The following MAX variants were observed in gnomAD, a reference collection of about 807,000 sequenced individuals.
MAX encodes MYC associated transcriptional regulator X, also known as protein max.
MAX carries 3 observed loss-of-function variants against 22.3 expected under a neutral mutation model. The observed-to-expected ratio is 0.13, with a 90% CI of 0.06 to 0.35. MAX has a LOEUF of 0.35. Among genes scored for constraint, MAX ranks in the 10% least tolerant of loss-of-function variants. The pLI, the probability that MAX is intolerant of heterozygous loss-of-function variation, is 1.00. For synonymous variants in MAX, 72 were observed against 77.7 expected (o/e 0.93, Z 0.39); for missense variants, 119 against 209.4 (o/e 0.57, Z 2.66).
chr14:65,057,277 T>C (rs965326649), intron 3 of MAX, among the ~76,000 whole-genome samples: 2 of 152,018 alleles, frequency 1.3e-5, no homozygotes, highest in Non-Finnish European at 2.9e-5. Context: ...AAATAGAAGA[T>C]TTTAGGCCAG....
At chr14:65,015,410 CTTTTTTTTTTTTTT>C (rs888923691) in intron 3 of MAX, 1,681 of 155,750 alleles carry the variant, frequency 0.011, 43 homozygotes, top group African/African-American at 0.044. Context: ...GCCTTGTTAT[CTTTTTTTTTTTTTT>C]TTTTTTTTTT....
intron 2 of MAX, among the ~76,000 whole-genome samples, chr14:65,095,598 T>C (rs572145966): frequency 1.3e-5 from 2 of 152,326 alleles, no homozygotes; most frequent in South Asian, 4.1e-4. Context: ...CGACTATACC[T>C]AAGGAGCTTA....
chr14:65,006,173 T>G (rs1555390164), downstream of MAX: 5 of 1,598,432 alleles, frequency 3.1e-6, no homozygotes, highest in East Asian at 4.5e-5. Context: ...TTTTTTTTTT[T>G]GCCACCATTT....
chr14:65,102,462 C>T lies in MAX; in HGVS notation c.-123G>A. The T allele has an allele frequency of 2.0e-6, 3 of 1,529,804 alleles. No individual in the cohort carries two copies. The highest frequency in any genetic ancestry group is 2.0e-5 in the Admixed American group (1 of 50,480). 94.8% of individuals were successfully genotyped at this position (1,529,804 alleles called of 1,614,324 possible). On this transcript the variant is annotated 5_prime_UTR_variant, in exon 1 of 5. Coordinates refer to ENST00000358664, the MANE Select transcript of MAX (RefSeq NM_002382.5). ...CCACACACACACTCACTCACTCACT[C>T]ACTCGCTCTCTCACTCACACACACA...
Position 65,007,123 on chromosome 14 carries a change from G to A in MAX, c.172-839C>T, listed in dbSNP as rs192582259. On this transcript the variant is annotated intron_variant, in intron 3 of 3. Coordinates refer to the MAX transcript ENST00000341653. The surrounding 1 kb of genome is among the most constrained non-coding windows in gnomAD (Gnocchi z 4.9). The stretch of plus-strand genomic sequence containing the variant: ...CTATACATTTTGGCTGAATGGCTGA[G>A]TATATAATTCAACATATCAATATAA... 2.6e-5 allele frequency among the ~76,000 whole-genome samples: 4 copies of A among 152,254 alleles called. No homozygotes were observed. In the East Asian group the frequency reaches 5.8e-4, roughly 22 times the overall value.
chr14:65,077,486 A>T lies in MAX; in HGVS notation c.295+427T>A. 2.6e-6 allele frequency: 3 copies of T among 1,173,998 alleles called. No homozygotes were observed. Among genetic ancestry groups the T allele is most frequent in the Non-Finnish European group, 3.9e-6 (3 of 777,876 alleles). 72.7% of individuals were successfully genotyped at this position (1,173,998 alleles called of 1,614,324 possible). On this transcript the variant is annotated intron_variant, in intron 4 of 4. Transcript: ENST00000358664. This position sits in a 1 kb window ranked among gnomAD's most constrained non-coding sequence, Gnocchi z 6.3. ...TGAGAACAGCATGGGCCTAGCCCAT[A>T]GGCTGCCCTGATTGGACTACCATTG...
intron 3 of MAX, among the ~76,000 whole-genome samples, chr14:65,037,656 C>G (rs1391487904): frequency 6.7e-6 from 1 of 149,824 alleles, no homozygotes; most frequent in Non-Finnish European, 1.5e-5. Flanking sequence ...AACTCCTGGG[C>G]TGACGTAATC....
intron 3 of MAX, among the ~76,000 whole-genome samples, chr14:65,087,182 T>G (rs545756755): frequency 6.6e-6 from 1 of 152,192 alleles, no homozygotes; most frequent in Non-Finnish European, 1.5e-5. Context: ...AGGGAGAAGT[T>G]TGCTGAAGGG....
chr14:65,067,644 A>G (rs2062944473), intron 3 of MAX, among the ~76,000 whole-genome samples: 1 of 150,470 alleles, frequency 6.6e-6, no homozygotes, highest in Non-Finnish European at 1.5e-5. Flanking sequence ...TTTTTTTCCA[A>G]GAGACAGTGT....
intron 1 of MAX, 45 bp from the exon 2 acceptor site, chr14:65,101,617 T>G: frequency 7.1e-7 from 1 of 1,400,988 alleles, no homozygotes; most frequent in Non-Finnish European, 9.9e-7. Flanking sequence ...TAGAAGTTAT[T>G]TTTACACTTA....
chr14:65,083,052 A>C, intron 3 of MAX, among the ~76,000 whole-genome samples: 1 of 152,156 alleles, frequency 6.6e-6, no homozygotes, highest in Admixed American at 6.5e-5. Context: ...AAAATGAATA[A>C]TGTAGAAGGG....
At chr14:65,094,145 G>A (rs1388551676) in intron 2 of MAX, 1 of 364,016 alleles carries the variant, frequency 2.7e-6, no homozygotes, top group Non-Finnish European at 5.3e-6. Flanking sequence ...TGACAGAAGA[G>A]CCACCAGTCT....
rs1169373579 is a variant in MAX at position 65,007,230 on chromosome 14, A to G, written c.172-946T>C. Among the ~76,000 whole-genome samples the G allele has an allele frequency of 6.6e-6, 1 of 152,274 alleles. No individual in the cohort carries two copies. The highest frequency in any genetic ancestry group is 1.5e-5 in the Non-Finnish European group (1 of 68,054). On this transcript the variant is annotated intron_variant, in intron 3 of 3. Coordinates refer to the MAX transcript ENST00000341653. The surrounding 1 kb of genome is among the most constrained non-coding windows in gnomAD (Gnocchi z 4.9). Reference sequence around the variant, plus strand: ...AAATTTATCAGAATTTTAAATCATTATCACAGTCTCAATATTTAACATATT... The same window carrying G: ...AAATTTATCAGAATTTTAAATCATTGTCACAGTCTCAATATTTAACATATT...
At position 65,053,149 on chromosome 14, in the gene MAX, G is replaced by T. The variant is rs547420027; in HGVS notation, c.171+40559C>A. 1.7e-5 allele frequency: 18 copies of T among 1,052,712 alleles called. No individual in the cohort carries two copies. The South Asian group carries it at 6.5e-4, about 38-fold the overall frequency. 65.2% of individuals were successfully genotyped at this position (1,052,712 alleles called of 1,614,324 possible). ...AAGAGGAAGGGGAGCAGGAAACCTTGACTATTCCCCCAGGTGAGAAAGTGG... is the reference window on the plus strand; with the variant it reads ...AAGAGGAAGGGGAGCAGGAAACCTTTACTATTCCCCCAGGTGAGAAAGTGG... On this transcript the variant is annotated intron_variant, in intron 3 of 3. Transcript: ENST00000341653.
At chr14:65,035,602 T>G (rs1025176054) in intron 3 of MAX, among the ~76,000 whole-genome samples, 2 of 152,120 alleles carry the variant, frequency 1.3e-5, no homozygotes, top group Non-Finnish European at 2.9e-5. Context: ...TGATCACAGC[T>G]CGCTGCAGCC....
intron 3 of MAX, among the ~76,000 whole-genome samples, chr14:65,055,198 G>A (rs878897615): frequency 2.0e-5 from 3 of 152,180 alleles, no homozygotes; most frequent in South Asian, 2.1e-4. Flanking sequence ...TGTTTAATGT[G>A]TGTTTGTCTG....
At chr14:65,064,427 G>T (rs2062910689) in intron 3 of MAX, among the ~76,000 whole-genome samples, 1 of 152,122 alleles carries the variant, frequency 6.6e-6, no homozygotes, top group African/African-American at 2.4e-5. Flanking sequence ...GTCCTATTAG[G>T]TTCCTCACCC....
In MAX at chr14:65,102,438, C is replaced by A. The variant is rs570017996; in HGVS notation, c.-99G>T. 6.5e-6 allele frequency: 10 copies of A among 1,549,090 alleles called. 1 individual carries two copies. The highest frequency in any genetic ancestry group is 3.6e-5 in the South Asian group (3 of 84,048). On this transcript the variant is annotated 5_prime_UTR_variant, in exon 1 of 5. Transcript: ENST00000358664. Reference sequence around the variant, plus strand: ...CGACAACAACAAGCCGAGTCCCCCCCACACACACACTCACTCACTCACTCA... The same window carrying A: ...CGACAACAACAAGCCGAGTCCCCCCAACACACACACTCACTCACTCACTCA...
Position 65,015,142 on chromosome 14 carries a change from G to A in MAX, c.172-8858C>T, listed in dbSNP as rs372015985. 2.5e-3 allele frequency among the ~76,000 whole-genome samples: 360 copies of A among 146,768 alleles called. 2 individuals carry two copies. Among genetic ancestry groups the A allele is most frequent in the African/African-American group, 8.6e-3 (339 of 39,596 alleles). ...TTTTGAGACGGAGTCTTGCTCTGTC[G>A]CCTAGGCTGGAGTGCAGTGGTGCCA... On this transcript the variant is annotated intron_variant, in intron 3 of 3. Transcript: ENST00000341653.
Sources: gnomAD v4.1 joint callset for allele counts (sites outside exome capture counted in the v4.1 genomes callset) on GRCh38, gnomAD v4.1.1 for gene constraint, Gnocchi (gnomAD v3.1) non-coding constraint, MANE v1.5 for transcripts, NCBI Gene and HGNC (gene_info 2026-07-23, HGNC 2026-07-21) for gene names.